Variants in HEMK2 observed in about 807,000 individuals in gnomAD.
The protein encoded by HEMK2 is HemK methyltransferase 2, ETF1 glutamine and histone H4 lysine.
chr21:28,762,571 C>A, the HEMK2 span, among the ~76,000 whole-genome samples: 2 of 152,086 alleles, frequency 1.3e-5, no homozygotes, highest in African/African-American at 4.8e-5. Flanking sequence ...TAGCAAGCTG[C>A]AATGGTTTTA....
the HEMK2 span, among the ~76,000 whole-genome samples, chr21:28,753,703 G>A: frequency 1.3e-5 from 2 of 152,142 alleles, no homozygotes; most frequent in African/African-American, 4.8e-5. Context: ...AATGTGAAAA[G>A]AAACACCTTT....
At chr21:28,601,482 G>A in the HEMK2 span, among the ~76,000 whole-genome samples, 1 of 152,172 alleles carries the variant, frequency 6.6e-6, no homozygotes, top group African/African-American at 2.4e-5. Flanking sequence ...CTCCAGTCGA[G>A]ACTTTCTCTA....
the HEMK2 span, among the ~76,000 whole-genome samples, chr21:28,696,296 G>A: frequency 6.6e-6 from 1 of 152,160 alleles, no homozygotes; most frequent in African/African-American, 2.4e-5. Context: ...CGGGGTACAG[G>A]CATTGGGTAA....
chr21:28,828,986 C>G, the HEMK2 span, among the ~76,000 whole-genome samples: 1 of 152,154 alleles, frequency 6.6e-6, no homozygotes, highest in African/African-American at 2.4e-5. Flanking sequence ...AATAGACCTG[C>G]ATTCCTTTAC....
chr21:28,659,959 CTATT>C, the HEMK2 span, among the ~76,000 whole-genome samples: 4 of 152,008 alleles, frequency 2.6e-5, no homozygotes, highest in Non-Finnish European at 4.4e-5. Context: ...TTATAGCTTT[CTATT>C]TATTAGATCC....
At chr21:28,880,535 C>T in the HEMK2 span, among the ~76,000 whole-genome samples, 1 of 152,058 alleles carries the variant, frequency 6.6e-6, no homozygotes, top group Non-Finnish European at 1.5e-5. Flanking sequence ...AGTTCGAGAC[C>T]AGCCTCGCCA....
the HEMK2 span, among the ~76,000 whole-genome samples, chr21:28,838,970 AAAATATATATATAT>A: frequency 2.9e-5 from 1 of 34,518 alleles, no homozygotes; most frequent in Non-Finnish European, 5.3e-5. Context: ...AAAAAAAAAA[AAAATATATATATAT>A]ATATATATAT....
At chr21:28,814,047 C>A in the HEMK2 span, among the ~76,000 whole-genome samples, 1 of 152,088 alleles carries the variant, frequency 6.6e-6, no homozygotes. Context: ...ACCATCCTGG[C>A]CAACATGGTG....
At chr21:28,598,557 G>T in the HEMK2 span, among the ~76,000 whole-genome samples, 1 of 152,170 alleles carries the variant, frequency 6.6e-6, no homozygotes, top group African/African-American at 2.4e-5. Flanking sequence ...GGTTTCTCCA[G>T]GATTTTGCCT....
the HEMK2 span, among the ~76,000 whole-genome samples, chr21:28,879,191 C>G: frequency 6.7e-6 from 1 of 149,226 alleles, no homozygotes; most frequent in Non-Finnish European, 1.5e-5. Context: ...CTCAGGTGAT[C>G]CTCCCACTTC....
the HEMK2 span, among the ~76,000 whole-genome samples, chr21:28,837,703 C>T: frequency 6.6e-6 from 1 of 151,880 alleles, no homozygotes; most frequent in Non-Finnish European, 1.5e-5. Context: ...CAGAGCAGAA[C>T]TAAAGGAAAC....
At chr21:28,659,495 G>C in the HEMK2 span, among the ~76,000 whole-genome samples, 1 of 152,106 alleles carries the variant, frequency 6.6e-6, no homozygotes, top group South Asian at 2.1e-4. Context: ...AAGTGAAGAA[G>C]CTCATTGCCA....
At chr21:28,689,441 T>G in the HEMK2 span, among the ~76,000 whole-genome samples, 1 of 152,198 alleles carries the variant, frequency 6.6e-6, no homozygotes, top group African/African-American at 2.4e-5. Flanking sequence ...AAAAAGAAGG[T>G]TAAGTACCTT....
the HEMK2 span, among the ~76,000 whole-genome samples, chr21:28,778,559 T>A: frequency 5.3e-5 from 8 of 152,308 alleles, no homozygotes; most frequent in East Asian, 1.2e-3. Context: ...TATGTAGAAG[T>A]GGTCAAGGTT....
chr21:28,650,889 G>T, the HEMK2 span, among the ~76,000 whole-genome samples: 1 of 152,152 alleles, frequency 6.6e-6, no homozygotes, highest in Admixed American at 6.5e-5. Context: ...AACTTTAGGG[G>T]ATGATTTCAT....
the HEMK2 span, chr21:28,873,228 G>A: frequency 6.6e-6 from 1 of 152,270 alleles, no homozygotes; most frequent in South Asian, 2.1e-4. Context: ...ATACTATGAT[G>A]TAAAATTAAT....
chr21:28,816,823 C>T, the HEMK2 span, among the ~76,000 whole-genome samples: 2 of 152,186 alleles, frequency 1.3e-5, no homozygotes, highest in South Asian at 2.1e-4. Context: ...AAGGCATGAA[C>T]GGTGCATCCA....
chr21:28,809,028 G>A, the HEMK2 span, among the ~76,000 whole-genome samples: 11 of 152,108 alleles, frequency 7.2e-5, no homozygotes, highest in African/African-American at 2.7e-4. Flanking sequence ...TGGCAATAAA[G>A]CAAAATAAAA....
At chr21:28,614,366 T>C in the HEMK2 span, among the ~76,000 whole-genome samples, 1 of 151,982 alleles carries the variant, frequency 6.6e-6, no homozygotes, top group Non-Finnish European at 1.5e-5. Flanking sequence ...TGGAGCATAA[T>C]GTTAGTTAGG....
Sources: gnomAD v4.1 joint callset for allele counts (sites outside exome capture counted in the v4.1 genomes callset) on GRCh38, gnomAD v4.1.1 for gene constraint, MANE v1.5 for transcripts, NCBI Gene and HGNC (gene_info 2026-07-23, HGNC 2026-07-21) for gene names.